Variants in NIBAN1 observed in about 807,000 individuals in gnomAD.
NIBAN1 encodes the protein protein Niban 1.
Under a neutral mutation model 75.1 loss-of-function variants are expected in NIBAN1, and 81 were observed. The observed-to-expected ratio is 1.08, with a 90% CI of 0.90 to 1.30. NIBAN1 has a LOEUF of 1.30. Among genes scored for constraint, NIBAN1 ranks in the 50% most tolerant of loss-of-function variants. The pLI, the probability that NIBAN1 is intolerant of heterozygous loss-of-function variation, is 0.00. For missense variants in NIBAN1, 1,133 were observed against 1,128.1 expected, an observed-to-expected ratio of 1.00 and a Z score of -0.06; for synonymous variants, 436 against 424.8, an observed-to-expected ratio of 1.03 and a Z score of -0.32.
chr1:184,868,040 C>T, intron 5 of NIBAN1: 3 of 985,386 alleles, frequency 3.0e-6, no homozygotes, highest in Non-Finnish European at 3.6e-6. Flanking sequence ...ATGAGCCATG[C>T]CCTGATCTCC....
intron 3 of NIBAN1, among the ~76,000 whole-genome samples, chr1:184,892,033 G>T (rs573707823): frequency 6.6e-6 from 1 of 152,320 alleles, no homozygotes; most frequent in African/African-American, 2.4e-5. Context: ...AGAGCAAGCT[G>T]AAATAAGTGA....
chr1:184,896,534 C>T (rs569316769), intron 2 of NIBAN1, among the ~76,000 whole-genome samples: 2 of 152,120 alleles, frequency 1.3e-5, no homozygotes, highest in African/African-American at 4.8e-5. Context: ...TGTGTATAGG[C>T]TTTTTAGCAT....
chr1:184,834,486 A>G (rs1183704369), intron 5 of NIBAN1, among the ~76,000 whole-genome samples: 2 of 152,274 alleles, frequency 1.3e-5, no homozygotes, highest in Admixed American at 1.3e-4. Flanking sequence ...GTGTAAAAGC[A>G]TCCCTATTTC....
intron 5 of NIBAN1, among the ~76,000 whole-genome samples, chr1:184,876,977 T>A (rs947379620): frequency 6.6e-5 from 10 of 152,208 alleles, no homozygotes; most frequent in Non-Finnish European, 1.0e-4. Flanking sequence ...TTAACACAGA[T>A]GTGAACATTC....
chr1:184,838,784 G>A (rs565376426), intron 5 of NIBAN1, among the ~76,000 whole-genome samples: 1 of 152,254 alleles, frequency 6.6e-6, no homozygotes, highest in African/African-American at 2.4e-5. Flanking sequence ...GTGGTGTTGG[G>A]ACTCCCTGAC....
At chr1:184,862,161 A>G (rs1484873594) in intron 5 of NIBAN1, among the ~76,000 whole-genome samples, 6 of 152,058 alleles carry the variant, frequency 3.9e-5, no homozygotes, top group Non-Finnish European at 7.4e-5. Flanking sequence ...GCACCTGCAG[A>G]CCTTCCCTTG....
intron 6 of NIBAN1, among the ~76,000 whole-genome samples, chr1:184,826,726 TTGGG>T (rs1654850984): frequency 2.0e-5 from 3 of 152,190 alleles, no homozygotes; most frequent in Non-Finnish European, 4.4e-5. Context: ...AATGTTCCAT[TTGGG>T]TGGGCTTATA....
chr1:184,965,704 T>G (rs1040844477), intron 1 of NIBAN1, among the ~76,000 whole-genome samples: 1 of 152,190 alleles, frequency 6.6e-6, no homozygotes, highest in African/African-American at 2.4e-5. Flanking sequence ...GATACTAGGC[T>G]TAATACCTGG....
intron 5 of NIBAN1, among the ~76,000 whole-genome samples, chr1:184,882,474 C>T (rs1290762910): frequency 6.6e-6 from 1 of 152,138 alleles, no homozygotes; most frequent in African/African-American, 2.4e-5. Flanking sequence ...GGAAGTTATG[C>T]CAAATTAAGT....
intron 8 of NIBAN1, among the ~76,000 whole-genome samples, chr1:184,822,307 C>G (rs1036286252): frequency 7.9e-5 from 12 of 152,122 alleles, no homozygotes; most frequent in Admixed American, 4.6e-4. Context: ...TCCTTAGAGG[C>G]CATCTAAGGT....
intron 12 of NIBAN1, among the ~76,000 whole-genome samples, chr1:184,802,388 G>A (rs567687712): frequency 8.8e-5 from 13 of 148,254 alleles, no homozygotes; most frequent in African/African-American, 3.4e-4. Flanking sequence ...AACTGCCTTT[G>A]TGATTGAAAA....
At chr1:184,892,237 G>A (rs181942938) in intron 3 of NIBAN1, among the ~76,000 whole-genome samples, 14 of 152,224 alleles carry the variant, frequency 9.2e-5, no homozygotes, top group Admixed American at 2.6e-4. Context: ...AAATGCTTCC[G>A]TACATTCATT....
At chr1:184,926,012 G>A (rs1441341865) in intron 1 of NIBAN1, among the ~76,000 whole-genome samples, 4 of 152,126 alleles carry the variant, frequency 2.6e-5, no homozygotes, top group African/African-American at 9.7e-5. Context: ...TTTCTGGTAG[G>A]ACAGGTCTGG....
chr1:184,822,612 A>G (rs927149433), intron 8 of NIBAN1, among the ~76,000 whole-genome samples: 3 of 152,206 alleles, frequency 2.0e-5, no homozygotes, highest in Non-Finnish European at 4.4e-5. Flanking sequence ...GACCTCCCCA[A>G]TTATGCATGG....
intron 4 of NIBAN1, chr1:184,888,010 GTTC>G (rs1369012649): frequency 6.6e-6 from 1 of 152,088 alleles, no homozygotes; most frequent in Non-Finnish European, 1.5e-5. Context: ...TGTCTCTGCA[GTTC>G]TTTGTTTGTT....
chr1:184,935,444 G>A (rs1553229483), intron 1 of NIBAN1, among the ~76,000 whole-genome samples: 1 of 152,112 alleles, frequency 6.6e-6, no homozygotes, highest in Non-Finnish European at 1.5e-5. Flanking sequence ...GGAGGTTGAG[G>A]CTGCAGTGGG....
intron 5 of NIBAN1, among the ~76,000 whole-genome samples, chr1:184,856,984 G>A (rs1655694757): frequency 6.6e-6 from 1 of 152,172 alleles, no homozygotes; most frequent in Admixed American, 6.6e-5. Flanking sequence ...GGCAAAGGAA[G>A]AGCGTGACCC....
intron 1 of NIBAN1, among the ~76,000 whole-genome samples, chr1:184,909,642 G>T (rs1217440137): frequency 6.6e-6 from 1 of 152,176 alleles, no homozygotes. Context: ...ATACTCACTA[G>T]TGAAAATTAC....
chr1:184,964,682 C>G (rs1658733577), intron 1 of NIBAN1, among the ~76,000 whole-genome samples: 1 of 152,168 alleles, frequency 6.6e-6, no homozygotes. Flanking sequence ...TGGCAGCTTT[C>G]TAGGGGAAGA....
Sources: gnomAD v4.1 joint callset for allele counts (sites outside exome capture counted in the v4.1 genomes callset) on GRCh38, gnomAD v4.1.1 for gene constraint, MANE v1.5 for transcripts, NCBI Gene and HGNC (gene_info 2026-07-23, HGNC 2026-07-21) for gene names.